NUP153: variants seen among roughly 807,000 people sequenced by gnomAD.
The protein encoded by NUP153 is nuclear pore complex protein Nup153.
NUP153 carries 27 observed loss-of-function variants against 134.6 expected under a neutral mutation model. The observed-to-expected ratio is 0.20, with a 90% CI of 0.15 to 0.28. The LOEUF (loss-of-function observed/expected upper bound fraction) is 0.28. Ranked by LOEUF, NUP153 falls within the 10% of genes least tolerant of loss-of-function variation. NUP153 has a pLI of 1.00. For synonymous variants in NUP153, 640 were observed against 623.5 expected, an observed-to-expected ratio of 1.03 and a Z score of -0.40; for missense variants, 1,821 against 1,731.3, an observed-to-expected ratio of 1.05 and a Z score of -0.92.
intron 1 of NUP153, among the ~76,000 whole-genome samples, chr6:17,700,461 C>G (rs1259316478): frequency 1.3e-5 from 2 of 152,190 alleles, no homozygotes. Flanking sequence ...ACTATCCAAT[C>G]CTATCAATGT....
intron 8 of NUP153, among the ~76,000 whole-genome samples, chr6:17,665,833 C>T (rs1015040384): frequency 6.6e-6 from 1 of 151,786 alleles, no homozygotes; most frequent in African/African-American, 2.4e-5. Context: ...CACAGGCGTG[C>T]GCCACCACAC....
At chr6:17,649,137 C>T (rs1766371937) in intron 12 of NUP153, 26 bp downstream of exon 12, 1 of 1,569,090 alleles carries the variant, frequency 6.4e-7, no homozygotes, top group African/African-American at 1.4e-5. Flanking sequence ...ACAAATGTCA[C>T]CTGTATTTAT....
intron 1 of NUP153, among the ~76,000 whole-genome samples, chr6:17,693,995 CTTTA>C (rs1357811211): frequency 2.6e-5 from 4 of 152,142 alleles, no homozygotes; most frequent in African/African-American, 9.7e-5. Flanking sequence ...TGCTTCCCAG[CTTTA>C]TTTTTTATTA....
intron 12 of NUP153, among the ~76,000 whole-genome samples, chr6:17,648,154 T>C (rs1445413209): frequency 6.6e-6 from 1 of 152,206 alleles, no homozygotes; most frequent in Non-Finnish European, 1.5e-5. Context: ...TATAAGAATA[T>C]GTTCAGAAGA....
At chr6:17,618,372 ATT>A (rs1764445882) in intron 20 of NUP153, among the ~76,000 whole-genome samples, 1 of 152,158 alleles carries the variant, frequency 6.6e-6, no homozygotes, top group Non-Finnish European at 1.5e-5. Context: ...AATAAAAGCA[ATT>A]TTGGGAAAAC....
At chr6:17,678,578 G>T (rs1768377851) in intron 2 of NUP153, among the ~76,000 whole-genome samples, 1 of 152,092 alleles carries the variant, frequency 6.6e-6, no homozygotes, top group South Asian at 2.1e-4. Flanking sequence ...GCTCTCCTCA[G>T]TAAGTATTTT....
In NUP153 at chr6:17,615,752, C is replaced by T; in HGVS notation, c.*345G>A. On this transcript the variant is annotated 3_prime_UTR_variant, in exon 22 of 22. Coordinates refer to ENST00000262077, the MANE Select transcript of NUP153 (RefSeq NM_005124.4). The surrounding 1 kb of genome is among the most constrained non-coding windows in gnomAD (Gnocchi z 5.7). Reference sequence around the variant, plus strand: ...TTCAACGCGTTCCATGAACGCTTATCAGCGCACATAATGGTGTAGACAAAG... The same window carrying T: ...TTCAACGCGTTCCATGAACGCTTATTAGCGCACATAATGGTGTAGACAAAG... 5.2e-6 allele frequency: 1 copy of T among 191,498 alleles called. No individual in the cohort carries two copies. The highest frequency in any genetic ancestry group is 1.1e-5 in the Non-Finnish European group (1 of 93,866). The allele number at this position is 191,498 out of a possible 1,614,324, so 11.9% of individuals were successfully genotyped here.
At chr6:17,653,126 G>A (rs1766601511) in intron 11 of NUP153, among the ~76,000 whole-genome samples, 2 of 152,054 alleles carry the variant, frequency 1.3e-5, no homozygotes, top group Admixed American at 6.6e-5. Context: ...GGCAGTGTCC[G>A]CCTGTAATCC....
intron 2 of NUP153, among the ~76,000 whole-genome samples, chr6:17,684,343 G>C (rs1460924916): frequency 6.6e-6 from 1 of 152,200 alleles, no homozygotes; most frequent in Non-Finnish European, 1.5e-5. Flanking sequence ...TTATGTTACA[G>C]AGACAGATTC....
Position 17,644,681 on chromosome 6 carries a change from G to A in NUP153, c.1720+1386C>T, listed in dbSNP as rs1343681576. 3.3e-5 allele frequency among the ~76,000 whole-genome samples: 5 copies of A among 152,156 alleles called. No homozygotes were observed. The East Asian group carries it at 5.8e-4, about 18-fold the overall frequency. On this transcript the variant is annotated intron_variant, in intron 14 of 21. Coordinates refer to ENST00000262077, the MANE Select transcript of NUP153 (RefSeq NM_005124.4). ...AATTCGGCCAGGCACAGTGGCTCACGTCTGTAATCCCAATACTTTGGGAGG... is the reference window on the plus strand; with the variant it reads ...AATTCGGCCAGGCACAGTGGCTCACATCTGTAATCCCAATACTTTGGGAGG...
In NUP153 at chr6:17,625,881, A is replaced by C; in HGVS notation, c.3828T>G (p.Gly1276=). Residue 1276 remains glycine (G), a synonymous_variant, in exon 19 of 22, where the codon GGT becomes GGG. Transcript: ENST00000262077. This position sits in a 1 kb window ranked among gnomAD's most constrained non-coding sequence, Gnocchi z 4.7. ...TAGTATTATTACTGCTGGCTCCTGG[A>C]CCAAAGACAAATGGGGTGACAGCTG... ...TGTAVTPFVF[G]PGASSNNTTT... 1 of 1,614,228 alleles carries C rather than the reference A, an allele frequency of 6.2e-7. No homozygotes were observed. Among genetic ancestry groups the C allele is most frequent in the South Asian group, 1.1e-5 (1 of 91,084 alleles).
Position 17,629,140 on chromosome 6 carries a change from G to A in NUP153, c.3059C>T (p.Ala1020Val). The change falls in exon 18 of 22, where the codon GCA becomes GTA. Residue 1020 changes from alanine to valine, a missense_variant. Ala to Val is a moderately conservative substitution (Grantham distance 64). Transcript: ENST00000262077. The part of the protein sequence containing the change: ...KKEELPKSSS[A>V]GFSFGTGVIN... ...AACACCTGTACCAAAGCTAAAACCT[G>A]CAGAGGAAGATTTGGGCAGTTCCTC... The A allele has an allele frequency of 1.2e-6, 2 of 1,613,556 alleles. No homozygotes were observed. The highest frequency in any genetic ancestry group is 8.5e-7 in the Non-Finnish European group (1 of 1,179,872).
chr6:17,690,504 AATCAAATG>A (rs1366560353), intron 1 of NUP153, among the ~76,000 whole-genome samples: 2 of 152,222 alleles, frequency 1.3e-5, no homozygotes, highest in African/African-American at 2.4e-5. Flanking sequence ...TTATAATGAA[AATCAAATG>A]AAATAATGTG....
intron 16 of NUP153, among the ~76,000 whole-genome samples, chr6:17,633,962 T>G (rs1765391409): frequency 6.6e-6 from 1 of 152,204 alleles, no homozygotes; most frequent in Non-Finnish European, 1.5e-5. Context: ...CAATCTACAC[T>G]TCTGAGCTTG....
rs1337621500 is a variant in NUP153 at position 17,638,908 on chromosome 6, G to C, written c.1846+1031C>G. Among the ~76,000 whole-genome samples, 1 of 152,168 alleles carries C rather than the reference G, an allele frequency of 6.6e-6. No homozygotes were observed. Among genetic ancestry groups the C allele is most frequent in the East Asian group, 1.9e-4 (1 of 5,200 alleles). On this transcript the variant is annotated intron_variant, in intron 15 of 21. Coordinates refer to ENST00000262077, the MANE Select transcript of NUP153 (RefSeq NM_005124.4). This position sits in a 1 kb window ranked among gnomAD's most constrained non-coding sequence, Gnocchi z 4.0. ...CAGTATACTTATCTATAAAATGAGA[G>C]AGCTGGACCAGAAAAATTGAATCCT... is the stretch of plus-strand genomic sequence containing the variant.
intron 11 of NUP153, among the ~76,000 whole-genome samples, chr6:17,652,419 C>T (rs1487149008): frequency 3.3e-5 from 5 of 152,028 alleles, no homozygotes; most frequent in Admixed American, 2.6e-4. Context: ...TCTAAATAAT[C>T]CATGGGTCAA....
chr6:17,624,086 A>G (rs1764790390), intron 20 of NUP153, among the ~76,000 whole-genome samples: 1 of 152,218 alleles, frequency 6.6e-6, no homozygotes, highest in South Asian at 2.1e-4. Flanking sequence ...TAGGATTATA[A>G]TACAATTTGA....
At chr6:17,691,648 C>T (rs900687712) in intron 1 of NUP153, among the ~76,000 whole-genome samples, 2 of 151,930 alleles carry the variant, frequency 1.3e-5, no homozygotes, top group Non-Finnish European at 2.9e-5. Flanking sequence ...GCCTGTAATC[C>T]CAGTTACTAG....
Position 17,688,547 on chromosome 6 carries a change from C to A in NUP153, c.183G>T (p.Lys61Asn). The part of the protein sequence containing the change: ...VPGWLQRYFN[K>N]NEDVCSCSTD... Reference sequence around the variant, plus strand: ...TTGAACAGCTGCATACATCTTCATTCTTGTTGAAGTATCTTTGTAGCCACC... The same window carrying A: ...TTGAACAGCTGCATACATCTTCATTATTGTTGAAGTATCTTTGTAGCCACC... The change falls in exon 2 of 22, where the codon AAG (lysine) becomes AAT (asparagine). Residue 61 changes from lysine (K) to asparagine (N), a missense_variant. Lys to Asn is a moderately conservative substitution (Grantham distance 94). Transcript: ENST00000262077. 4 of 1,614,086 alleles carry A rather than the reference C, an allele frequency of 2.5e-6. No individual in the cohort carries two copies. The highest frequency in any genetic ancestry group is 3.4e-6 in the Non-Finnish European group (4 of 1,179,988).
Sources: gnomAD v4.1 joint callset for allele counts (sites outside exome capture counted in the v4.1 genomes callset) on GRCh38, gnomAD v4.1.1 for gene constraint, Gnocchi (gnomAD v3.1) non-coding constraint, MANE v1.5 for transcripts, NCBI Gene and HGNC (gene_info 2026-07-23, HGNC 2026-07-21) for gene names.